Variants in NT5DC1 observed in about 807,000 individuals in gnomAD.
The protein encoded by NT5DC1 is 5'-nucleotidase domain containing 1.
Under a neutral mutation model 59.4 loss-of-function variants are expected in NT5DC1, and 42 were observed. The observed-to-expected ratio is 0.71, with a 90% CI of 0.55 to 0.92. NT5DC1 has a LOEUF of 0.92. Among genes scored for constraint, NT5DC1 ranks in the 40% least tolerant of loss-of-function variants. The pLI is 0.00. For synonymous variants in NT5DC1, 172 were observed against 188.1 expected, an observed-to-expected ratio of 0.91 and a Z score of 0.70; for missense variants, 501 against 537.1, an observed-to-expected ratio of 0.93 and a Z score of 0.66.
intron 6 of NT5DC1, among the ~76,000 whole-genome samples, chr6:116,184,552 T>A (rs1303543739): frequency 6.6e-6 from 1 of 152,116 alleles, no homozygotes; most frequent in Non-Finnish European, 1.5e-5. Context: ...AATTACCATT[T>A]CAGTCTCACT....
intron 6 of NT5DC1, among the ~76,000 whole-genome samples, chr6:116,185,364 T>G (rs2114481750): frequency 6.6e-6 from 1 of 152,246 alleles, no homozygotes; most frequent in African/African-American, 2.4e-5. Flanking sequence ...GTTCTGAAAA[T>G]ATCTGTTAAG....
chr6:116,165,572 C>A (rs969123054), intron 6 of NT5DC1, among the ~76,000 whole-genome samples: 4 of 152,104 alleles, frequency 2.6e-5, no homozygotes, highest in Admixed American at 2.6e-4. Flanking sequence ...TGGGTTAATT[C>A]GAAAAATGCC....
chr6:116,106,207 G>A lies in NT5DC1; in HGVS notation c.94-37G>A, dbSNP rs140443176. The A allele has an allele frequency of 3.1e-4, 306 of 979,350 alleles. 1 individual carries two copies. In the East Asian group the frequency reaches 7.0e-3, roughly 22 times the overall value. 60.7% of individuals were successfully genotyped at this position (979,350 alleles called of 1,614,324 possible). ...GTGACATTAAGAATGAATAGTGGGTGTTATATTTAATCTGTTTTTCTTCCC... is the reference window on the plus strand; with the variant it reads ...GTGACATTAAGAATGAATAGTGGGTATTATATTTAATCTGTTTTTCTTCCC... On this transcript the variant is annotated intron_variant, in intron 1 of 11. Coordinates refer to ENST00000319550, the MANE Select transcript of NT5DC1 (RefSeq NM_152729.3).
intron 2 of NT5DC1, 29 bp downstream of exon 2, chr6:116,106,364 A>G (rs1298403732): frequency 2.3e-6 from 2 of 860,524 alleles, no homozygotes; most frequent in African/African-American, 1.8e-5. Context: ...TTTTTTTTTA[A>G]GTCTGTACAT....
rs1394338629 is a variant in NT5DC1 at position 116,217,290 on chromosome 6, C to A, written c.530-3764C>A. Among the ~76,000 whole-genome samples the A allele has an allele frequency of 2.6e-5, 4 of 152,098 alleles. No homozygotes were observed. In the East Asian group the frequency reaches 5.8e-4, roughly 22 times the overall value. On this transcript the variant is annotated intron_variant, in intron 6 of 11. Coordinates refer to ENST00000319550, the MANE Select transcript of NT5DC1 (RefSeq NM_152729.3). ...TATTATTTCTGTCACTCTACATTAACCAGTTTTTTTAACATAGGAGAGCTA... is the reference window on the plus strand; with the variant it reads ...TATTATTTCTGTCACTCTACATTAAACAGTTTTTTTAACATAGGAGAGCTA...
At chr6:116,117,548 A>G (rs1180937528) in intron 5 of NT5DC1, among the ~76,000 whole-genome samples, 1 of 152,204 alleles carries the variant, frequency 6.6e-6, no homozygotes, top group Admixed American at 6.5e-5. Flanking sequence ...TATCTTAAAC[A>G]TACTCAGAAC....
At chr6:116,156,960 G>T (rs533351990) in intron 6 of NT5DC1, among the ~76,000 whole-genome samples, 1 of 152,082 alleles carries the variant, frequency 6.6e-6, no homozygotes. Flanking sequence ...CTGGCAAGAA[G>T]GCCTGCTGCA....
intron 6 of NT5DC1, among the ~76,000 whole-genome samples, chr6:116,198,901 A>T (rs1186134055): frequency 6.6e-6 from 1 of 152,050 alleles, no homozygotes; most frequent in Admixed American, 6.6e-5. Context: ...AAACTAATTC[A>T]GTTAGAATAT....
At chr6:116,132,465 G>T (rs1407091375) in intron 6 of NT5DC1, among the ~76,000 whole-genome samples, 1 of 151,008 alleles carries the variant, frequency 6.6e-6, no homozygotes, top group East Asian at 1.9e-4. Flanking sequence ...TTTTTAATTT[G>T]CTTATGAGTT....
At chr6:116,214,966 A>G (rs1489584724) in intron 6 of NT5DC1, among the ~76,000 whole-genome samples, 1 of 152,036 alleles carries the variant, frequency 6.6e-6, no homozygotes, top group Non-Finnish European at 1.5e-5. Flanking sequence ...GCTCCACCAG[A>G]GGTCTCTAGG....
intron 6 of NT5DC1, among the ~76,000 whole-genome samples, chr6:116,203,321 G>A (rs933585975): frequency 1.3e-5 from 2 of 151,872 alleles, no homozygotes; most frequent in Non-Finnish European, 2.9e-5. Flanking sequence ...GTTATTAAAT[G>A]TGAACATATT....
chr6:116,175,512 C>T (rs1430434713), intron 6 of NT5DC1, among the ~76,000 whole-genome samples: 4 of 152,226 alleles, frequency 2.6e-5, no homozygotes, highest in South Asian at 2.1e-4. Flanking sequence ...TTCTTCTGCT[C>T]CATTGTCTCT....
At chr6:116,235,531 GT>G (rs773576331) in intron 8 of NT5DC1, among the ~76,000 whole-genome samples, 29 of 152,180 alleles carry the variant, frequency 1.9e-4, no homozygotes, top group Non-Finnish European at 3.8e-4. Context: ...TATAAATGTA[GT>G]TTTAGAATTT....
At chr6:116,197,271 C>A (rs552602310) in intron 6 of NT5DC1, among the ~76,000 whole-genome samples, 4 of 151,962 alleles carry the variant, frequency 2.6e-5, no homozygotes, top group Non-Finnish European at 5.9e-5. Flanking sequence ...AACCACATAC[C>A]ATCCATAGTT....
rs1439458811 is a variant in NT5DC1, at chr6:116,246,145, C to CA, written c.*2128dup. On this transcript the variant is annotated 3_prime_UTR_variant, in exon 12 of 12. Coordinates refer to ENST00000319550, the MANE Select transcript of NT5DC1 (RefSeq NM_152729.3). ...AAAATATTAAAGAAGTTATATGAAG[C>CA]AAAAAAATTGTATAAATGGACAGAA... 6.6e-6 allele frequency: 1 copy of CA among 151,820 alleles called. No homozygotes were observed. The highest frequency in any genetic ancestry group is 1.5e-5 in the Non-Finnish European group (1 of 67,918). 9.4% of individuals were successfully genotyped at this position (151,820 alleles called of 1,614,324 possible).
chr6:116,194,779 G>A lies in NT5DC1; in HGVS notation c.530-26275G>A, dbSNP rs183524966. On this transcript the variant is annotated intron_variant, in intron 6 of 11. Transcript: ENST00000319550. ...CAAATGACTAAAGGTAGTGGCTTTT[G>A]GGTACAATGCTGAAGTGGGGCAGGT... is the stretch of plus-strand genomic sequence containing the variant. Among the ~76,000 whole-genome samples, 101 of 152,070 alleles carry A rather than the reference G, an allele frequency of 6.6e-4. 2 individuals carry two copies. In the East Asian group the frequency reaches 0.019, roughly 28 times the overall value.
intron 6 of NT5DC1, among the ~76,000 whole-genome samples, chr6:116,128,846 T>C (rs982447268): frequency 3.9e-5 from 6 of 152,220 alleles, no homozygotes; most frequent in African/African-American, 1.4e-4. Context: ...TATAGTCTGA[T>C]ATCAGTGTTC....
intron 6 of NT5DC1, chr6:116,125,506 T>G (rs1371981854): frequency 1.9e-5 from 31 of 1,613,046 alleles, no homozygotes; most frequent in Non-Finnish European, 2.6e-5. Context: ...CTCAGATGGA[T>G]TCTGAAAAAC....
chr6:116,237,965 T>C (rs1466942986), intron 9 of NT5DC1, among the ~76,000 whole-genome samples: 1 of 152,242 alleles, frequency 6.6e-6, no homozygotes, highest in African/African-American at 2.4e-5. Flanking sequence ...CTTCCACCTG[T>C]GAATGTGTTG....
Sources: gnomAD v4.1 joint callset for allele counts (sites outside exome capture counted in the v4.1 genomes callset) on GRCh38, gnomAD v4.1.1 for gene constraint, MANE v1.5 for transcripts, NCBI Gene and HGNC (gene_info 2026-07-23, HGNC 2026-07-21) for gene names.